ULK4: variants seen among roughly 807,000 people sequenced by gnomAD.
The protein encoded by ULK4 is unc-51 like kinase 4.
A neutral mutation model predicts 160.6 loss-of-function variants in ULK4; 133 were observed. The ratio of observed to expected loss-of-function variants is 0.83; its 90% confidence interval spans 0.72 to 0.96. ULK4 has a LOEUF of 0.96. ULK4 is among the 40% of genes least tolerant of loss of function. The probability of loss-of-function intolerance (pLI) is 0.00; values close to 1 mark genes in which losing one functional copy is unlikely to be tolerated. For synonymous variants in ULK4, 534 were observed against 539.8 expected, an observed-to-expected ratio of 0.99 and a Z score of 0.15; for missense variants, 1,580 against 1,499.5, an observed-to-expected ratio of 1.05 and a Z score of -0.89.
intron 21 of ULK4, among the ~76,000 whole-genome samples, chr3:41,758,272 T>C (rs2038872087): frequency 6.6e-6 from 1 of 152,138 alleles, no homozygotes; most frequent in Non-Finnish European, 1.5e-5. Context: ...TAAGGTACCT[T>C]GTTATAGCAG....
At position 41,390,413 on chromosome 3, in the gene ULK4, C is replaced by T. The variant is rs149423737; in HGVS notation, c.3678+7666G>A. On this transcript the variant is annotated intron_variant, in intron 35 of 36. Transcript: ENST00000301831. ...TTATTTCTTGCCTTCTGCTAGCTTT[C>T]GAATGTGTTTGCTCTTGCTTTTCCA... Among the ~76,000 whole-genome samples the T allele has an allele frequency of 7.0e-3, 1,063 of 152,066 alleles. 4 individuals carry two copies. Among genetic ancestry groups the T allele is most frequent in the African/African-American group, 0.016 (654 of 41,502 alleles).
intron 27 of ULK4, among the ~76,000 whole-genome samples, chr3:41,688,221 C>A (rs776551417): frequency 3.9e-5 from 6 of 152,010 alleles, no homozygotes; most frequent in Non-Finnish European, 5.9e-5. Flanking sequence ...CACAGAGGAG[C>A]CATTCAGAGT....
At chr3:41,265,084 C>T (rs2079006759) in intron 35 of ULK4, among the ~76,000 whole-genome samples, 2 of 152,320 alleles carry the variant, frequency 1.3e-5, no homozygotes, top group Non-Finnish European at 2.9e-5. Context: ...GACTTTGGGA[C>T]ACGAGGTGGC....
chr3:41,336,025 G>A (rs936061634), intron 35 of ULK4, among the ~76,000 whole-genome samples: 14 of 152,198 alleles, frequency 9.2e-5, no homozygotes, highest in African/African-American at 3.1e-4. Flanking sequence ...AAGGGAGGAA[G>A]GAACAAGCTA....
chr3:41,322,439 GTTGCTGTAGACCCGTATGGA>G (rs1164582545), intron 35 of ULK4, among the ~76,000 whole-genome samples: 36 of 152,140 alleles, frequency 2.4e-4, no homozygotes, highest in African/African-American at 8.7e-4. Flanking sequence ...AATAATTGAG[GTTGCTGTAGACCCGTATGGA>G]TTCGCTGCTG....
chr3:41,334,599 T>C (rs889977793), intron 35 of ULK4, among the ~76,000 whole-genome samples: 1 of 152,206 alleles, frequency 6.6e-6, no homozygotes, highest in Non-Finnish European at 1.5e-5. Context: ...TACTCCTCTC[T>C]GCTGGAGCCT....
rs202180392 is a variant in ULK4 at position 41,774,057 on chromosome 3, A to G, written c.2193+15604T>C. 6.8e-3 allele frequency among the ~76,000 whole-genome samples: 1,033 copies of G among 152,316 alleles called. 43 individuals carry two copies. In the East Asian group the frequency reaches 0.13, roughly 19 times the overall value. On this transcript the variant is annotated intron_variant, in intron 21 of 36. Coordinates refer to ENST00000301831, the MANE Select transcript of ULK4 (RefSeq NM_017886.4). Reference sequence around the variant, plus strand: ...AAACTGGATCCCTTCCTTACACCTTATACAAAAATCAATTCAAGATGGATT... The same window carrying G: ...AAACTGGATCCCTTCCTTACACCTTGTACAAAAATCAATTCAAGATGGATT...
chr3:41,663,522 A>G, intron 30 of ULK4, 85 bp downstream of exon 30: 2 of 1,262,430 alleles, frequency 1.6e-6, no homozygotes, highest in Non-Finnish European at 2.3e-6. Context: ...GTCTTTTGGA[A>G]TCTCATCTTT....
intron 19 of ULK4, among the ~76,000 whole-genome samples, chr3:41,819,185 T>C (rs1334231757): frequency 6.6e-6 from 1 of 152,222 alleles, no homozygotes; most frequent in Non-Finnish European, 1.5e-5. Flanking sequence ...ATTGTTTATA[T>C]AAGCTATCAT....
At chr3:41,426,120 G>A (rs2082770675) in intron 34 of ULK4, among the ~76,000 whole-genome samples, 1 of 152,006 alleles carries the variant, frequency 6.6e-6, no homozygotes, top group African/African-American at 2.4e-5. Context: ...AAAAATCAGG[G>A]GTTGCAATCC....
chr3:41,955,894 C>T (rs558863301), intron 1 of ULK4: 89 of 152,150 alleles, frequency 5.8e-4, no homozygotes, highest in African/African-American at 2.0e-3. Context: ...ATCTTACTTT[C>T]TCCGTTACAA....
chr3:41,712,796 G>A (rs1244053034), intron 25 of ULK4, among the ~76,000 whole-genome samples: 1 of 152,144 alleles, frequency 6.6e-6, no homozygotes, highest in Non-Finnish European at 1.5e-5. Context: ...TGAGGCTGAG[G>A]AGGTAGGATT....
chr3:41,928,281 AAAG>A (rs1250161856), intron 5 of ULK4, among the ~76,000 whole-genome samples: 1 of 152,210 alleles, frequency 6.6e-6, no homozygotes, highest in Non-Finnish European at 1.5e-5. Context: ...AGGCAGAAAT[AAAG>A]AAGTTCTTTG....
In ULK4 at chr3:41,370,775, T is replaced by C. The variant is rs562525592; in HGVS notation, c.3678+27304A>G. Among the ~76,000 whole-genome samples, 61 of 152,236 alleles carry C rather than the reference T, an allele frequency of 4.0e-4. 1 individual carries two copies. Among genetic ancestry groups the C allele is most frequent in the Admixed American group, 1.6e-3 (24 of 15,300 alleles). Reference sequence around the variant, plus strand: ...TATTTTTCCAAACCCCAGTGGCGCCTGGAACGTCAGCATGAAAGAACTGTT... The same window carrying C: ...TATTTTTCCAAACCCCAGTGGCGCCCGGAACGTCAGCATGAAAGAACTGTT... On this transcript the variant is annotated intron_variant, in intron 35 of 36. Transcript: ENST00000301831.
At chr3:41,639,337 GT>G (rs1362416167) in intron 30 of ULK4, among the ~76,000 whole-genome samples, 1 of 152,168 alleles carries the variant, frequency 6.6e-6, no homozygotes, top group Non-Finnish European at 1.5e-5. Context: ...CAAAATAAAT[GT>G]TTGACAAGTT....
At chr3:41,923,465 T>C (rs1471852962) in intron 5 of ULK4, among the ~76,000 whole-genome samples, 3 of 152,094 alleles carry the variant, frequency 2.0e-5, no homozygotes, top group Non-Finnish European at 1.5e-5. Context: ...GCCACTGCAC[T>C]CCAGCCTGGG....
chr3:41,450,100 T>C (rs1443869307), intron 34 of ULK4, among the ~76,000 whole-genome samples: 3 of 152,222 alleles, frequency 2.0e-5, no homozygotes, highest in African/African-American at 7.2e-5. Context: ...AAGCAGGCTG[T>C]AGCATCATTT....
intron 35 of ULK4, among the ~76,000 whole-genome samples, chr3:41,322,809 A>G (rs904663833): frequency 1.3e-5 from 2 of 152,246 alleles, no homozygotes; most frequent in Admixed American, 6.5e-5. Flanking sequence ...CCAAAGATTT[A>G]CAGGATGACA....
rs1259457092 is a variant in ULK4, at chr3:41,759,347, T to C, written c.2194-4859A>G. Among the ~76,000 whole-genome samples the C allele has an allele frequency of 3.9e-5, 6 of 152,292 alleles. No homozygotes were observed. The East Asian group carries it at 1.2e-3, about 29-fold the overall frequency. ...TTTCAACATACCAATAATGAACAATTGGAAAATAAATCCTTTTTAAAGTAC... is the reference window on the plus strand; with the variant it reads ...TTTCAACATACCAATAATGAACAATCGGAAAATAAATCCTTTTTAAAGTAC... On this transcript the variant is annotated intron_variant, in intron 21 of 36. Transcript: ENST00000301831.
Sources: allele counts gnomAD v4.1 joint callset (sites outside exome capture counted in the v4.1 genomes callset), GRCh38; gene constraint gnomAD v4.1.1; transcripts MANE v1.5; gene names NCBI Gene and HGNC (gene_info 2026-07-23, HGNC 2026-07-21).